PTBP3: variants seen among roughly 807,000 people sequenced by gnomAD.
The protein encoded by PTBP3 is polypyrimidine tract-binding protein 3.
In PTBP3, 20 loss-of-function variants were observed where a neutral mutation model predicts 58.7. The ratio of observed to expected loss-of-function variants is 0.34; its 90% CI spans 0.24 to 0.50. The LOEUF (loss-of-function observed/expected upper bound fraction) is 0.50, where lower values mean the gene tolerates loss of function less well. PTBP3 is among the 20% of genes least tolerant of loss of function. PTBP3 has a pLI of 0.98. For synonymous variants in PTBP3, 185 were observed against 219.8 expected, an observed-to-expected ratio of 0.84 and a Z score of 1.40; for missense variants, 509 against 637.2, an observed-to-expected ratio of 0.80 and a Z score of 2.17.
chr9:112,308,718 C>T (rs1450473406), intron 1 of PTBP3, among the ~76,000 whole-genome samples: 1 of 152,076 alleles, frequency 6.6e-6, no homozygotes, highest in Non-Finnish European at 1.5e-5. Flanking sequence ...AATGTGAAGA[C>T]ATAGGGGAGT....
chr9:112,262,700 T>C, intron 4 of PTBP3, 101 bp from the exon 5 acceptor site: 1 of 1,075,778 alleles, frequency 9.3e-7, no homozygotes. Flanking sequence ...TGTAGTTAAG[T>C]AAAACAAGAT....
chr9:112,230,891 G>A (rs1835172247), intron 10 of PTBP3, among the ~76,000 whole-genome samples: 1 of 152,052 alleles, frequency 6.6e-6, no homozygotes, highest in African/African-American at 2.4e-5. Context: ...TTATTCAATG[G>A]CTTCCGATTG....
chr9:112,262,464 A>G lies in PTBP3; in HGVS notation c.487T>C (p.Tyr163His). 1 of 1,609,640 alleles carries G rather than the reference A, an allele frequency of 6.2e-7. No individual in the cohort carries two copies. Among genetic ancestry groups the G allele is most frequent in the Non-Finnish European group, 8.5e-7 (1 of 1,178,592 alleles). The change falls in exon 5 of 14, where the codon TAC becomes CAC. Residue 163 changes from tyrosine to histidine, a missense_variant. Tyr to His is a moderately conservative substitution (Grantham distance 83, BLOSUM62 2). This residue lies in a region of PTBP3 where 212 missense variants were observed against 215.3 expected (regional missense o/e 0.98). Transcript: ENST00000374257. ...VLRIIIENLFYPVTLEVLHQI... is the reference protein window; with the variant it reads ...VLRIIIENLFHPVTLEVLHQI... ...TGAAGAACTTCCAGGGTAACAGGGT[A>G]AAAGAGGTTTTCAATAATTATTCGA...
chr9:112,330,369 A>T (rs1830318232), intron 1 of PTBP3: 2 of 1,136,862 alleles, frequency 1.8e-6, no homozygotes, highest in East Asian at 4.9e-5. Context: ...AGATAATTTT[A>T]TGAACAGGTG....
intron 1 of PTBP3, among the ~76,000 whole-genome samples, 155 bp from the exon 2 acceptor site, chr9:112,298,071 T>C (rs1313365974): frequency 1.3e-5 from 2 of 152,280 alleles, no homozygotes; most frequent in African/African-American, 4.8e-5. Context: ...ATGAACTGCA[T>C]AGCAAGAAAA....
chr9:112,223,580 GATT>G lies in PTBP3; in HGVS notation c.*268_*270del. 1 of 1,110,352 alleles carries G rather than the reference GATT, an allele frequency of 9.0e-7. No individual in the cohort carries two copies. Among genetic ancestry groups the G allele is most frequent in the Non-Finnish European group, 1.1e-6 (1 of 889,902 alleles). 68.8% of individuals were successfully genotyped at this position (1,110,352 alleles called of 1,614,324 possible). ...AAATCTAATTTAATATAGGGAATAA[GATT>G]ATTGAAAAAAAATTTTTTTCCTGAT... On this transcript the variant is annotated 3_prime_UTR_variant, in exon 14 of 14. Transcript: ENST00000374257.
At chr9:112,292,946 C>T (rs1270311307) in intron 2 of PTBP3, among the ~76,000 whole-genome samples, 1 of 152,012 alleles carries the variant, frequency 6.6e-6, no homozygotes, top group Non-Finnish European at 1.5e-5. Context: ...CACAAGCAAA[C>T]ACGGTGAAAC....
chr9:112,369,479 C>G, the PTBP3 span, among the ~76,000 whole-genome samples: 3 of 152,186 alleles, frequency 2.0e-5, no homozygotes, highest in Non-Finnish European at 2.9e-5. Context: ...GACTATCCCT[C>G]TGGATTTTGG....
At chr9:112,218,114 G>A (rs1259687439), downstream of PTBP3, 1 of 152,194 alleles carries the variant, frequency 6.6e-6, no homozygotes, top group Non-Finnish European at 1.5e-5. Context: ...AAGAGAGAAA[G>A]AAAAAGGAGA....
upstream of PTBP3, among the ~76,000 whole-genome samples, chr9:112,334,139 T>G (rs945301268): frequency 1.3e-5 from 2 of 151,626 alleles, no homozygotes; most frequent in East Asian, 2.0e-4. Flanking sequence ...GACCAGCCTC[T>G]GGCAGCCCGG....
At chr9:112,233,931 CACA>C (rs1195367951) in intron 8 of PTBP3, among the ~76,000 whole-genome samples, 2 of 68,482 alleles carry the variant, frequency 2.9e-5, no homozygotes, top group Non-Finnish European at 5.0e-5. Flanking sequence ...CTATCTGTCT[CACA>C]ACAACAACAA....
chr9:112,356,874 C>CATTT, the PTBP3 span, among the ~76,000 whole-genome samples: 2 of 91,528 alleles, frequency 2.2e-5, no homozygotes, highest in East Asian at 7.7e-4. Flanking sequence ...TCATTTCCCT[C>CATTT]TTTTTTTTTT....
At chr9:112,304,539 T>C (rs1829083412) in intron 1 of PTBP3, among the ~76,000 whole-genome samples, 1 of 152,234 alleles carries the variant, frequency 6.6e-6, no homozygotes, top group Non-Finnish European at 1.5e-5. Context: ...ACTGATAAGC[T>C]TTCTCCATGT....
chr9:112,299,787 T>A lies in PTBP3; in HGVS notation c.-51-1871A>T, dbSNP rs564560346. Among the ~76,000 whole-genome samples, 25 of 152,332 alleles carry A rather than the reference T, an allele frequency of 1.6e-4. No homozygotes were observed. The South Asian group carries it at 5.0e-3, about 30-fold the overall frequency. ...AACATGAATGGACATGACCTATACT[T>A]AATCCAAACAGTAACTTCAAAAATC... On this transcript the variant is annotated intron_variant, in intron 1 of 13. Coordinates refer to ENST00000374257, the MANE Select transcript of PTBP3 (RefSeq NM_001163788.4).
the PTBP3 span, among the ~76,000 whole-genome samples, chr9:112,373,479 C>G: frequency 1.3e-5 from 2 of 152,178 alleles, no homozygotes; most frequent in Non-Finnish European, 2.9e-5. Flanking sequence ...CCCACTGACT[C>G]AAATTTTAAT....
chr9:112,262,314 T>TTCA, intron 5 of PTBP3, 121 bp downstream of exon 5: 3 of 841,768 alleles, frequency 3.6e-6, no homozygotes, highest in Non-Finnish European at 5.0e-6. Flanking sequence ...TGAAGTTTTT[T>TTCA]TCATTATTTA....
chr9:112,234,563 T>C (rs1279201127), intron 8 of PTBP3, among the ~76,000 whole-genome samples: 3 of 152,198 alleles, frequency 2.0e-5, no homozygotes, highest in South Asian at 2.1e-4. Flanking sequence ...AGTTAGCCTA[T>C]AGTTATTTGT....
chr9:112,363,519 C>CAA, the PTBP3 span, among the ~76,000 whole-genome samples: 121 of 24,610 alleles, frequency 4.9e-3, no homozygotes, highest in African/African-American at 0.016. Flanking sequence ...AAAACTGTCA[C>CAA]ACACACACAC....
chr9:112,301,052 C>T (rs7853661), intron 1 of PTBP3, among the ~76,000 whole-genome samples: 127,736 of 152,006 alleles, frequency 0.84, 53,964 homozygotes, highest in African/African-American at 0.92. Flanking sequence ...TTTCAAAGAA[C>T]ACCATCAAGA....
Sources: gnomAD v4.1 joint callset for allele counts (sites outside exome capture counted in the v4.1 genomes callset) on GRCh38, gnomAD v4.1.1 for gene constraint, gnomAD v4.1.1 regional missense constraint, MANE v1.5 for transcripts, NCBI Gene and HGNC (gene_info 2026-07-23, HGNC 2026-07-21) for gene names.